DPP10: variants seen among roughly 807,000 people sequenced by gnomAD.
DPP10 encodes dipeptidyl peptidase like 10.
Under a neutral mutation model 120.9 loss-of-function variants are expected in DPP10, and 33 were observed. The ratio of observed to expected loss-of-function variants is 0.27; its 90% CI spans 0.21 to 0.37. The LOEUF (loss-of-function observed/expected upper bound fraction) is 0.37, where lower values mean the gene tolerates loss of function less well. DPP10 is among the 10% of genes least tolerant of loss of function. The pLI is 1.00. For missense variants in DPP10, 816 were observed against 942.8 expected, an observed-to-expected ratio of 0.87 and a Z score of 1.76; for synonymous variants, 337 against 326.1, an observed-to-expected ratio of 1.03 and a Z score of -0.36.
intron 1 of DPP10, among the ~76,000 whole-genome samples, chr2:114,452,702 A>G (rs1258085814): frequency 6.6e-6 from 1 of 152,140 alleles, no homozygotes; most frequent in African/African-American, 2.4e-5. Flanking sequence ...AATTGGCTAA[A>G]AGATTAAGAA....
intron 1 of DPP10, among the ~76,000 whole-genome samples, chr2:114,714,426 T>C (rs1267380817): frequency 6.6e-6 from 1 of 152,162 alleles, no homozygotes; most frequent in African/African-American, 2.4e-5. Context: ...GAGCTGATGA[T>C]GACAGAGGAG....
intron 7 of DPP10, among the ~76,000 whole-genome samples, chr2:115,692,031 C>T (rs1193674096): frequency 3.3e-5 from 5 of 151,970 alleles, no homozygotes; most frequent in Admixed American, 6.6e-5. Flanking sequence ...GACTATTATG[C>T]TTTTTGTTAA....
At position 115,334,230 on chromosome 2, in the gene DPP10, G is replaced by GTTTTTTTTTTTTTTTTTTTTTTT; in HGVS notation, c.176-9571_176-9570insTTTTTTTTTTTTTTTTTTTTTTT. On this transcript the variant is annotated intron_variant, in intron 2 of 25. Transcript: ENST00000410059. ...TCAGGAATGGACCAGAGCAGACTCT[G>GTTTTTTTTTTTTTTTTTTTTTTT]TTTTTTTTTTTTTTTTAAGAAACCT... Among the ~76,000 whole-genome samples the GTTTTTTTTTTTTTTTTTTTTTTT allele has an allele frequency of 2.8e-3, 160 of 56,370 alleles. 40 individuals carry two copies. The highest frequency in any genetic ancestry group is 8.3e-3 in the East Asian group (15 of 1,798). The allele number at this position is 56,370 out of a possible 152,430, so 37.0% of individuals were successfully genotyped here.
At chr2:114,522,218 T>C (rs1290083190) in intron 1 of DPP10, among the ~76,000 whole-genome samples, 1 of 150,874 alleles carries the variant, frequency 6.6e-6, no homozygotes, top group Non-Finnish European at 1.5e-5. Flanking sequence ...TCTCCTGACC[T>C]CATGATCCGC....
intron 7 of DPP10, among the ~76,000 whole-genome samples, chr2:115,721,464 C>T (rs2092647233): frequency 6.6e-6 from 1 of 152,026 alleles, no homozygotes; most frequent in African/African-American, 2.4e-5. Flanking sequence ...GTACTTTATT[C>T]ATAAACATGT....
intron 1 of DPP10, among the ~76,000 whole-genome samples, chr2:115,038,408 C>G (rs1386073787): frequency 1.3e-5 from 2 of 151,846 alleles, no homozygotes; most frequent in African/African-American, 4.8e-5. Flanking sequence ...GTAGCTGGGA[C>G]TACAGGCGCC....
intron 21 of DPP10, among the ~76,000 whole-genome samples, chr2:115,817,013 C>G (rs1015228112): frequency 2.0e-5 from 3 of 151,326 alleles, no homozygotes; most frequent in African/African-American, 4.8e-5. Flanking sequence ...CTTTGGGAGG[C>G]CAAGGCGGGA....
intron 3 of DPP10, among the ~76,000 whole-genome samples, chr2:115,443,458 A>G (rs575254105): frequency 7.8e-4 from 119 of 152,316 alleles, no homozygotes; most frequent in African/African-American, 2.8e-3. Context: ...GTGCCTGTTA[A>G]CGTGAATATG....
intron 1 of DPP10, among the ~76,000 whole-genome samples, chr2:114,541,407 C>A (rs1686943578): frequency 6.6e-6 from 1 of 152,146 alleles, no homozygotes; most frequent in African/African-American, 2.4e-5. Flanking sequence ...GAAGACCCTA[C>A]TATACCATTG....
intron 1 of DPP10, among the ~76,000 whole-genome samples, chr2:114,489,673 G>A (rs929020570): frequency 6.6e-6 from 1 of 152,134 alleles, no homozygotes; most frequent in Admixed American, 6.6e-5. Context: ...CTTGAAAATG[G>A]AGTATATGAA....
chr2:115,009,496 T>G (rs1160026234), intron 1 of DPP10, among the ~76,000 whole-genome samples: 1 of 151,318 alleles, frequency 6.6e-6, no homozygotes, highest in Non-Finnish European at 1.5e-5. Context: ...AGTTAGTGGG[T>G]GCAGCACACC....
Position 115,777,200 on chromosome 2 carries a change from C to A in DPP10, c.1222-8C>A, listed in dbSNP as rs201715965. 9 of 1,611,426 alleles carry A rather than the reference C, an allele frequency of 5.6e-6. No homozygotes were observed. In the African/African-American group the frequency reaches 1.2e-4, roughly 22 times the overall value. On this transcript the variant is annotated splice_region_variant and splice_polypyrimidine_tract_variant and intron_variant, in intron 13 of 25. Coordinates refer to ENST00000410059, the MANE Select transcript of DPP10 (RefSeq NM_020868.6). ...AAAGGAAAATCAATATTTTCTATTTCTTTGCAGAGTAAAAGTGAGCAAATT... is the reference window on the plus strand; with the variant it reads ...AAAGGAAAATCAATATTTTCTATTTATTTGCAGAGTAAAAGTGAGCAAATT...
intron 3 of DPP10, chr2:115,468,272 C>A: frequency 2.0e-6 from 1 of 510,342 alleles, no homozygotes; most frequent in South Asian, 1.4e-5. Context: ...AAACTGATGT[C>A]AGTGTCATGT....
chr2:115,197,314 C>T (rs1158453578), intron 1 of DPP10, among the ~76,000 whole-genome samples: 1 of 151,712 alleles, frequency 6.6e-6, no homozygotes, highest in Non-Finnish European at 1.5e-5. Flanking sequence ...ATCGCCTGAA[C>T]CTGGGAGGCG....
chr2:115,330,671 G>T (rs1298017661), intron 2 of DPP10, among the ~76,000 whole-genome samples: 2 of 151,858 alleles, frequency 1.3e-5, no homozygotes, highest in Non-Finnish European at 2.9e-5. Flanking sequence ...AGTTTTCCCA[G>T]CACCATTTAT....
chr2:115,663,813 G>A (rs1361626631), intron 5 of DPP10, among the ~76,000 whole-genome samples: 2 of 151,998 alleles, frequency 1.3e-5, no homozygotes, highest in Non-Finnish European at 2.9e-5. Flanking sequence ...TGATCAACAT[G>A]GTGAAAACCC....
At position 115,653,408 on chromosome 2, in the gene DPP10, A is replaced by G. The variant is rs1319081151; in HGVS notation, c.442-36279A>G. ...ATTTCAATCCATTCTCAGTAGCACCAGTAGTTCACTTTTAAAACAACAAAT... is the reference window on the plus strand; with the variant it reads ...ATTTCAATCCATTCTCAGTAGCACCGGTAGTTCACTTTTAAAACAACAAAT... On this transcript the variant is annotated intron_variant, in intron 5 of 25. Transcript: ENST00000410059. Among the ~76,000 whole-genome samples the G allele has an allele frequency of 2.6e-5, 4 of 152,132 alleles. No homozygotes were observed. The East Asian group carries it at 5.8e-4, about 22-fold the overall frequency.
chr2:114,568,511 G>T (rs1391898062), intron 1 of DPP10, among the ~76,000 whole-genome samples: 1 of 152,094 alleles, frequency 6.6e-6, no homozygotes, highest in African/African-American at 2.4e-5. Context: ...ACAATTTGTG[G>T]CTCTAGTCCA....
In DPP10 at chr2:115,187,283, G is replaced by A. The variant is rs558434541; in HGVS notation, c.61-121956G>A. On this transcript the variant is annotated intron_variant, in intron 1 of 25. Coordinates refer to ENST00000410059, the MANE Select transcript of DPP10 (RefSeq NM_020868.6). ...GATCTCCTGACCTCATGATCCACCC[G>A]CCTCGGCCTCCCAAAGTGCTGGGAT... 8.6e-5 allele frequency among the ~76,000 whole-genome samples: 13 copies of A among 151,682 alleles called. No homozygotes were observed. In the South Asian group the frequency reaches 2.3e-3, roughly 27 times the overall value.
Sources: allele counts gnomAD v4.1 joint callset (sites outside exome capture counted in the v4.1 genomes callset), GRCh38; gene constraint gnomAD v4.1.1; transcripts MANE v1.5; gene names NCBI Gene and HGNC (gene_info 2026-07-23, HGNC 2026-07-21).